The following COL5A2 variants were observed in gnomAD, a reference collection of about 807,000 sequenced individuals.
COL5A2 encodes collagen type V alpha 2 chain.
Under a neutral mutation model 208.2 loss-of-function variants are expected in COL5A2, and 23 were observed. That is an observed-to-expected ratio of 0.11 (90% CI 0.08 to 0.16). The LOEUF is 0.16. COL5A2 is among the 10% of genes least tolerant of loss of function. The probability of loss-of-function intolerance (pLI) is 1.00; values close to 1 mark genes in which losing one functional copy is unlikely to be tolerated. For synonymous variants in COL5A2, 625 were observed against 628.5 expected (o/e 0.99, Z 0.08); for missense variants, 1,590 against 1,956.4 (o/e 0.81, Z 3.53).
chr2:189,250,168 G>A, the COL5A2 span, among the ~76,000 whole-genome samples: 21,968 of 152,168 alleles, frequency 0.14, 2,691 homozygotes, highest in African/African-American at 0.32. Context: ...GAAACACATA[G>A]CAGCAGCAGC....
chr2:189,279,772 A>AT, the COL5A2 span, among the ~76,000 whole-genome samples: 1 of 152,172 alleles, frequency 6.6e-6, no homozygotes, highest in Non-Finnish European at 1.5e-5. Flanking sequence ...AGTTAGGAAG[A>AT]TATACTACTG....
Position 189,110,211 on chromosome 2 carries a change from C to T in COL5A2, c.322+14G>A. 6.3e-7 allele frequency: 1 copy of T among 1,576,312 alleles called. No individual in the cohort carries two copies. The highest frequency in any genetic ancestry group is 8.7e-7 in the Non-Finnish European group (1 of 1,146,100). Reference sequence around the variant, plus strand: ...TAACTGGATCAATTATGAGTTGGCCCTAAACATTCTTACCAAAATTGGTAT... The same window carrying T: ...TAACTGGATCAATTATGAGTTGGCCTTAAACATTCTTACCAAAATTGGTAT... On this transcript the variant is annotated intron_variant, in intron 2 of 53. Transcript: ENST00000374866.
the COL5A2 span, among the ~76,000 whole-genome samples, chr2:189,281,616 G>T: frequency 6.6e-6 from 1 of 152,162 alleles, no homozygotes; most frequent in Non-Finnish European, 1.5e-5. Context: ...TCTATGATCA[G>T]AATGATTGCC....
the COL5A2 span, among the ~76,000 whole-genome samples, chr2:189,236,686 A>G: frequency 6.6e-6 from 1 of 151,784 alleles, no homozygotes; most frequent in Non-Finnish European, 1.5e-5. Context: ...TATTCAAGTC[A>G]TTTGCCAATG....
intron 8 of COL5A2, among the ~76,000 whole-genome samples, chr2:189,088,301 GA>G (rs1209232863): frequency 6.6e-6 from 1 of 152,126 alleles, no homozygotes; most frequent in Non-Finnish European, 1.5e-5. Flanking sequence ...TAATAAAAAT[GA>G]AAATAGCAAA....
intron 52 of COL5A2, 59 bp from the exon 53 acceptor site, chr2:189,035,214 A>C: frequency 6.3e-7 from 1 of 1,596,390 alleles, no homozygotes; most frequent in Non-Finnish European, 8.6e-7. Context: ...AATGCCTTAC[A>C]CATGTATAGA....
At chr2:189,282,927 T>C in the COL5A2 span, among the ~76,000 whole-genome samples, 1 of 152,124 alleles carries the variant, frequency 6.6e-6, no homozygotes, top group South Asian at 2.1e-4. Flanking sequence ...GTGCTAAAAA[T>C]AACATGTATC....
intron 1 of COL5A2, among the ~76,000 whole-genome samples, chr2:189,141,871 G>A (rs958881411): frequency 1.3e-5 from 2 of 152,074 alleles, no homozygotes; most frequent in African/African-American, 2.4e-5. Flanking sequence ...ATTTGATAAC[G>A]AAATGTATGT....
At chr2:189,215,914 C>A (rs1038762025) in intron 1 of COL5A2, among the ~76,000 whole-genome samples, 3 of 152,120 alleles carry the variant, frequency 2.0e-5, no homozygotes, top group Non-Finnish European at 4.4e-5. Flanking sequence ...TGCTTCTTCC[C>A]TGTAACTAGC....
chr2:189,188,516 A>G (rs1688882569), intron 1 of COL5A2, among the ~76,000 whole-genome samples: 2 of 152,188 alleles, frequency 1.3e-5, no homozygotes. Flanking sequence ...ATCTTGAGAC[A>G]TGGATGATTG....
At chr2:189,087,153 CAGATA>C (rs1391061081) in intron 8 of COL5A2, among the ~76,000 whole-genome samples, 1 of 150,918 alleles carries the variant, frequency 6.6e-6, no homozygotes, top group Non-Finnish European at 1.5e-5. Context: ...AGATTCACAG[CAGATA>C]ATTCTTATAA....
intron 1 of COL5A2, among the ~76,000 whole-genome samples, chr2:189,177,347 G>C (rs1461568548): frequency 6.6e-6 from 1 of 152,134 alleles, no homozygotes. Context: ...CCTTTATTAA[G>C]CTTGTGATAG....
the COL5A2 span, among the ~76,000 whole-genome samples, chr2:189,350,781 T>C: frequency 2.0e-5 from 3 of 152,178 alleles, no homozygotes; most frequent in Non-Finnish European, 4.4e-5. Flanking sequence ...TGAGAAAATA[T>C]TATTCACCAG....
At chr2:189,099,659 A>G (rs1269736880) in intron 4 of COL5A2, among the ~76,000 whole-genome samples, 1 of 152,158 alleles carries the variant, frequency 6.6e-6, no homozygotes, top group Non-Finnish European at 1.5e-5. Flanking sequence ...GAAACCTGAC[A>G]GAACGACAGT....
the COL5A2 span, among the ~76,000 whole-genome samples, chr2:189,298,704 C>T: frequency 6.6e-6 from 1 of 152,186 alleles, no homozygotes; most frequent in South Asian, 2.1e-4. Flanking sequence ...GTAGGAACCT[C>T]CATTCTTTAT....
At chr2:189,395,865 T>C in the COL5A2 span, among the ~76,000 whole-genome samples, 4 of 117,066 alleles carry the variant, frequency 3.4e-5, no homozygotes, top group Non-Finnish European at 6.3e-5. Context: ...TGAGCTAAGA[T>C]GGTGCCACTG....
intron 1 of COL5A2, among the ~76,000 whole-genome samples, chr2:189,151,429 T>C (rs1397868721): frequency 6.6e-6 from 1 of 152,114 alleles, no homozygotes; most frequent in Non-Finnish European, 1.5e-5. Context: ...AGAAAAGCAA[T>C]AGTGATAATA....
At chr2:189,349,804 G>T in the COL5A2 span, among the ~76,000 whole-genome samples, 3 of 152,012 alleles carry the variant, frequency 2.0e-5, no homozygotes, top group African/African-American at 7.2e-5. Context: ...TCACAAAATT[G>T]GTCTATATTG....
At chr2:189,288,868 G>A in the COL5A2 span, among the ~76,000 whole-genome samples, 2 of 152,054 alleles carry the variant, frequency 1.3e-5, no homozygotes, top group East Asian at 1.9e-4. Context: ...GTGACCAACA[G>A]GAATTTATCT....
Sources: allele counts gnomAD v4.1 joint callset (sites outside exome capture counted in the v4.1 genomes callset), GRCh38; gene constraint gnomAD v4.1.1; transcripts MANE v1.5; gene names NCBI Gene and HGNC (gene_info 2026-07-23, HGNC 2026-07-21).